Variants in MYLK observed in about 807,000 individuals in gnomAD.
MYLK encodes myosin light chain kinase, smooth muscle.
MYLK carries 106 observed loss-of-function variants against 203.4 expected under a neutral mutation model. The observed-to-expected ratio is 0.52, with a 90% CI of 0.45 to 0.61. MYLK has a LOEUF of 0.61. Ranked by LOEUF, MYLK falls within the 20% of genes least tolerant of loss-of-function variation. The pLI, the probability that MYLK is intolerant of heterozygous loss-of-function variation, is 0.00. For missense variants in MYLK, 2,072 were observed against 2,442.3 expected (o/e 0.85, Z 3.20); for synonymous variants, 867 against 959.5 (o/e 0.90, Z 1.78).
intron 2 of MYLK, among the ~76,000 whole-genome samples, chr3:123,856,678 G>A (rs1035540899): frequency 2.0e-5 from 3 of 152,112 alleles, no homozygotes; most frequent in Non-Finnish European, 2.9e-5. Flanking sequence ...ATTTCTCAAA[G>A]TGTTACACAG....
At chr3:123,801,181 G>T (rs1307481950) in intron 3 of MYLK, among the ~76,000 whole-genome samples, 1 of 152,158 alleles carries the variant, frequency 6.6e-6, no homozygotes, top group Non-Finnish European at 1.5e-5. Flanking sequence ...TCCACTGTAC[G>T]CTTGAAAGAG....
At chr3:123,782,420 G>C (rs1478925593) in intron 4 of MYLK, among the ~76,000 whole-genome samples, 1 of 152,164 alleles carries the variant, frequency 6.6e-6, no homozygotes, top group Non-Finnish European at 1.5e-5. Context: ...CCAGAGTCTG[G>C]AGCACAGAGG....
At position 123,614,312 on chromosome 3, in the gene MYLK, G is replaced by C. The variant is rs779547778; in HGVS notation, c.5538C>G (p.Asp1846Glu). ...PDPEVVWFKD[D>E]QSIRESRHFQ... ...AGTGGCGGGACTCCCTGATTGACTG[G>C]TCATCTTTGAACCAGACAACCTCGG... Residue 1846 changes from aspartate (D) to glutamate (E), a missense_variant, in exon 34 of 34, where the codon GAC (aspartate) becomes GAG (glutamate). Coordinates refer to ENST00000360304, the MANE Select transcript of MYLK (RefSeq NM_053025.4). 6.2e-7 allele frequency: 1 copy of C among 1,614,136 alleles called. No homozygotes were observed. The highest frequency in any genetic ancestry group is 1.7e-5 in the Admixed American group (1 of 60,016).
In MYLK at chr3:123,841,313, C is replaced by T. The variant is rs146673838; in HGVS notation, c.-126-9643G>A. Among the ~76,000 whole-genome samples, 47 of 152,094 alleles carry T rather than the reference C, an allele frequency of 3.1e-4. No homozygotes were observed. In the East Asian group the frequency reaches 7.9e-3, roughly 26 times the overall value. On this transcript the variant is annotated intron_variant, in intron 2 of 33. Coordinates refer to ENST00000360304, the MANE Select transcript of MYLK (RefSeq NM_053025.4). ...AGTAGAGACAGAAAATCCAGTTGGC[C>T]TAACTAATGTTTATTAAGAGCTTGG...
intron 19 of MYLK, among the ~76,000 whole-genome samples, chr3:123,690,062 T>C (rs563021063): frequency 6.6e-6 from 1 of 152,224 alleles, no homozygotes; most frequent in East Asian, 1.9e-4. Context: ...GAGTGAATGA[T>C]AGCGACTTTC....
intron 4 of MYLK, among the ~76,000 whole-genome samples, chr3:123,774,767 G>T (rs901471230): frequency 2.0e-5 from 3 of 152,008 alleles, no homozygotes; most frequent in Non-Finnish European, 2.9e-5. Context: ...GAATGAAACC[G>T]GCCTTCTTCA....
chr3:123,638,024 T>C (rs774609600), intron 29 of MYLK, 47 bp downstream of exon 29: 2 of 1,612,724 alleles, frequency 1.2e-6, no homozygotes, highest in Non-Finnish European at 1.7e-6. Flanking sequence ...CCCCACCCAC[T>C]GGTCCACCAA....
rs139889311 is a variant in MYLK at position 123,626,796 on chromosome 3, T to A, written c.5238+22A>T. 1.0e-4 allele frequency: 164 copies of A among 1,614,102 alleles called. 1 individual carries two copies. The African/African-American group carries it at 1.2e-3, about 12-fold the overall frequency. On this transcript the variant is annotated intron_variant, in intron 31 of 33. Transcript: ENST00000360304. ...ACAAATATGAGGGGCAACATCCCAGTCCAAAGTGACCCTCTCATTACCTGC... is the reference window on the plus strand; with the variant it reads ...ACAAATATGAGGGGCAACATCCCAGACCAAAGTGACCCTCTCATTACCTGC...
Position 123,722,132 on chromosome 3 carries a change from G to T in MYLK, c.1800C>A (p.Val600=). ...GQVSCSAWVT[V]HEKKSSRKSE... ...CAGGTGCCCAGAGGCTCCTACCATG[G>T]ACGGTGACCCAGGCGCTGCAGGACA... is the stretch of plus-strand genomic sequence containing the variant. Residue 600 remains valine (V), a synonymous_variant, in exon 13 of 34, where the codon GTC becomes GTA. Coordinates refer to ENST00000360304, the MANE Select transcript of MYLK (RefSeq NM_053025.4). The T allele has an allele frequency of 2.6e-6, 4 of 1,565,888 alleles. No homozygotes were observed. The highest frequency in any genetic ancestry group is 3.5e-6 in the Non-Finnish European group (4 of 1,155,148).
At chr3:123,707,335 C>G in intron 16 of MYLK, among the ~76,000 whole-genome samples, 1 of 152,224 alleles carries the variant, frequency 6.6e-6, no homozygotes, top group East Asian at 1.9e-4. Context: ...AATCATCCAG[C>G]TAAGCTGCTT....
chr3:123,629,609 G>A lies in MYLK; in HGVS notation c.4979C>T (p.Pro1660Leu). 1 of 1,613,940 alleles carries A rather than the reference G, an allele frequency of 6.2e-7. No homozygotes were observed. The highest frequency in any genetic ancestry group is 1.3e-5 in the African/African-American group (1 of 75,028). Reference protein sequence around the residue: ...ICYILVSGLSPFMGDNDNETL... With the variant: ...ICYILVSGLSLFMGDNDNETL... Reference sequence around the variant, plus strand: ...TTCGTTATCGTTGTCTCCCATGAAGGGGGAAAGGCCACTGACTCTGGAGAG... The same window carrying A: ...TTCGTTATCGTTGTCTCCCATGAAGAGGGAAAGGCCACTGACTCTGGAGAG... Residue 1660 changes from proline (P) to leucine (L), a missense_variant, in exon 30 of 34, where the codon CCC (proline) becomes CTC (leucine). Pro to Leu is a moderately conservative substitution (Grantham distance 98, BLOSUM62 -3). Around this residue, in one of 3 missense-constraint regions of MYLK, gnomAD observed 524 missense variants for 782.4 expected, o/e 0.67. Coordinates refer to ENST00000360304, the MANE Select transcript of MYLK (RefSeq NM_053025.4). This position sits in a 1 kb window ranked among gnomAD's most constrained non-coding sequence, Gnocchi z 4.4.
At chr3:123,866,528 C>T (rs1470294562) in intron 2 of MYLK, among the ~76,000 whole-genome samples, 2 of 151,990 alleles carry the variant, frequency 1.3e-5, no homozygotes, top group African/African-American at 4.8e-5. Context: ...AAATGTAAAC[C>T]ATGTTGGATA....
intron 29 of MYLK, among the ~76,000 whole-genome samples, chr3:123,632,358 A>T (rs754790393): frequency 6.6e-6 from 1 of 152,188 alleles, no homozygotes; most frequent in Admixed American, 6.5e-5. Flanking sequence ...AGAGGGGGGA[A>T]GTCCGGCAGT....
intron 3 of MYLK, among the ~76,000 whole-genome samples, chr3:123,828,915 G>C (rs961727975): frequency 6.6e-6 from 1 of 152,124 alleles, no homozygotes; most frequent in Non-Finnish European, 1.5e-5. Context: ...TCTTATCCCA[G>C]TTAGAATGGC....
At chr3:123,669,362 G>A (rs187473577) in intron 20 of MYLK, among the ~76,000 whole-genome samples, 17 of 152,094 alleles carry the variant, frequency 1.1e-4, no homozygotes, top group Middle Eastern at 3.4e-3. Context: ...ACCAAACAAT[G>A]TAAGAAATCA....
intron 18 of MYLK, among the ~76,000 whole-genome samples, chr3:123,699,410 T>C (rs986295472): frequency 1.3e-5 from 2 of 152,236 alleles, no homozygotes; most frequent in Admixed American, 6.5e-5. Context: ...CGAGTAGCTC[T>C]GTCTGCCCGT....
chr3:123,684,850 G>A (rs755558606), intron 19 of MYLK, among the ~76,000 whole-genome samples: 9 of 152,236 alleles, frequency 5.9e-5, no homozygotes, highest in African/African-American at 1.7e-4. Flanking sequence ...TTAAGGAAGA[G>A]GAGTACAGGG....
At chr3:123,783,680 A>G (rs1303430913) in intron 4 of MYLK, among the ~76,000 whole-genome samples, 1 of 151,870 alleles carries the variant, frequency 6.6e-6, no homozygotes, top group Non-Finnish European at 1.5e-5. Context: ...GTAAAAGGTG[A>G]AAGTTGAGGG....
chr3:123,847,333 T>C (rs942371948), intron 2 of MYLK, among the ~76,000 whole-genome samples: 2 of 152,104 alleles, frequency 1.3e-5, no homozygotes, highest in African/African-American at 4.8e-5. Context: ...ATCTTCCACT[T>C]AAAAATCCCA....
Sources: gnomAD v4.1 joint callset for allele counts (sites outside exome capture counted in the v4.1 genomes callset) on GRCh38, gnomAD v4.1.1 for gene constraint, gnomAD v4.1.1 regional missense constraint, Gnocchi (gnomAD v3.1) non-coding constraint, MANE v1.5 for transcripts, NCBI Gene and HGNC (gene_info 2026-07-23, HGNC 2026-07-21) for gene names.